The following PUDP variants were observed in gnomAD, a reference collection of about 807,000 sequenced individuals.
The protein encoded by PUDP is pseudouridine 5'-phosphatase, also known as pseudouridine-5'-phosphatase.
A neutral mutation model predicts 9.4 loss-of-function variants in PUDP; 8 were observed. The observed-to-expected ratio is 0.85, with a 90% confidence interval of 0.50 to 1.53. PUDP has a LOEUF of 1.53. Ranked by LOEUF, PUDP falls within the 40% of genes most tolerant of loss-of-function variation. The pLI is 0.00. For synonymous variants in PUDP, 99 were observed against 80.7 expected, an observed-to-expected ratio of 1.23 and a Z score of -1.22; for missense variants, 188 against 189.7, an observed-to-expected ratio of 0.99 and a Z score of 0.05.
intron 3 of PUDP, among the ~76,000 whole-genome samples, chrX:6,913,719 C>T (rs974849118): frequency 3.6e-5 from 4 of 111,552 alleles, no homozygotes; most frequent in African/African-American, 6.5e-5. Flanking sequence ...ATGTGCAGCA[C>T]GTCACTCTAA....
chrX:6,867,902 G>A (rs959268796), intron 3 of PUDP, among the ~76,000 whole-genome samples: 1 of 111,573 alleles, frequency 9.0e-6, no homozygotes, highest in Admixed American at 9.5e-5. Flanking sequence ...AGGGCAGAAG[G>A]GCAAGAAAGG....
At chrX:6,839,699 C>G (rs762805207) in intron 3 of PUDP, among the ~76,000 whole-genome samples, 7 of 111,260 alleles carry the variant, frequency 6.3e-5, no homozygotes, top group Non-Finnish European at 9.4e-5. Context: ...GGCCAAAATC[C>G]GAAAACTGAC....
intron 3 of PUDP, among the ~76,000 whole-genome samples, chrX:6,820,921 T>A (rs1569105781): frequency 8.9e-6 from 1 of 111,789 alleles, no homozygotes; most frequent in Non-Finnish European, 1.9e-5. Context: ...GTGTGGGGGC[T>A]CCTACCCCAC....
chrX:7,145,599 ATTT>A (rs11294775), intron 1 of PUDP, among the ~76,000 whole-genome samples: 3 of 101,426 alleles, frequency 3.0e-5, no homozygotes. Context: ...ACCGAAGTGT[ATTT>A]TTTTTTTTTT....
intron 3 of PUDP, among the ~76,000 whole-genome samples, chrX:6,922,159 A>G (rs184570447): frequency 2.1e-3 from 232 of 111,544 alleles, no homozygotes; most frequent in Non-Finnish European, 2.9e-3. Context: ...CTACAAAAAA[A>G]TAGAAAAAAT....
intron 3 of PUDP, among the ~76,000 whole-genome samples, chrX:6,830,373 G>A (rs1569107377): frequency 9.0e-6 from 1 of 111,528 alleles, no homozygotes; most frequent in Non-Finnish European, 1.9e-5. Flanking sequence ...AAAAAAAAGT[G>A]AGAAGAAGAA....
chrX:6,770,476 T>A (rs185075541), intron 3 of PUDP, among the ~76,000 whole-genome samples: 3 of 112,277 alleles, frequency 2.7e-5, no homozygotes, highest in Non-Finnish European at 5.6e-5. Context: ...AAGCCTTGGT[T>A]TTTTTGTTTG....
intron 3 of PUDP, among the ~76,000 whole-genome samples, chrX:6,744,322 A>G (rs1343686538): frequency 1.8e-5 from 2 of 112,123 alleles, no homozygotes; most frequent in East Asian, 5.6e-4. Context: ...GGATGGAATC[A>G]TCAATGTGCA....
intron 3 of PUDP, among the ~76,000 whole-genome samples, chrX:6,930,190 C>T (rs1928167722): frequency 9.0e-6 from 1 of 110,704 alleles, no homozygotes; most frequent in Non-Finnish European, 1.9e-5. Flanking sequence ...GTGACTCCAC[C>T]TTGAACAAGG....
At chrX:7,121,318 T>C (rs1403372566) in intron 1 of PUDP, among the ~76,000 whole-genome samples, 1 of 111,534 alleles carries the variant, frequency 9.0e-6, no homozygotes, top group Non-Finnish European at 1.9e-5. Context: ...AAATGTGCTT[T>C]CTTTATTGAT....
chrX:7,135,276 C>T (rs1055786887), intron 1 of PUDP, among the ~76,000 whole-genome samples: 2 of 112,300 alleles, frequency 1.8e-5, no homozygotes, highest in Non-Finnish European at 3.8e-5. Flanking sequence ...TGTCATGTCT[C>T]ATCAGCATAT....
At chrX:7,053,158 G>A (rs1569146565) in intron 3 of PUDP, among the ~76,000 whole-genome samples, 1 of 109,214 alleles carries the variant, frequency 9.2e-6, no homozygotes, top group Non-Finnish European at 1.9e-5. Context: ...AATGTGGACT[G>A]GGGTAGAGGA....
intron 1 of PUDP, among the ~76,000 whole-genome samples, chrX:7,106,187 C>T (rs756797743): frequency 2.7e-5 from 3 of 112,756 alleles, no homozygotes; most frequent in Non-Finnish European, 5.6e-5. Context: ...CATCATTACT[C>T]GGTGTTCCCA....
intron 1 of PUDP, among the ~76,000 whole-genome samples, chrX:7,143,273 G>A (rs1932814866): frequency 8.9e-6 from 1 of 111,735 alleles, no homozygotes. Flanking sequence ...AAAACTTCAT[G>A]TGACTAATTT....
chrX:7,142,516 T>C (rs979284697), intron 1 of PUDP, among the ~76,000 whole-genome samples: 2 of 112,145 alleles, frequency 1.8e-5, no homozygotes, highest in Non-Finnish European at 3.8e-5. Flanking sequence ...AAGTGGTTTC[T>C]GGAGATAAAA....
At chrX:7,035,974 G>A (rs139827462) in intron 1 of PUDP, among the ~76,000 whole-genome samples, 4,495 of 111,123 alleles carry the variant, frequency 0.04, 229 homozygotes, top group African/African-American at 0.14. Flanking sequence ...TTAAAAGAGC[G>A]GGCCACCTCC....
At chrX:7,069,367 C>T (rs1276316521) in intron 3 of PUDP, among the ~76,000 whole-genome samples, 2 of 111,208 alleles carry the variant, frequency 1.8e-5, no homozygotes, top group African/African-American at 6.5e-5. Flanking sequence ...GAGCAAGATG[C>T]CCCAAGGCTA....
intron 1 of PUDP, among the ~76,000 whole-genome samples, chrX:6,990,070 G>A (rs1253025124): frequency 9.1e-6 from 1 of 109,922 alleles, no homozygotes; most frequent in Admixed American, 9.7e-5. Flanking sequence ...AAACCAACAG[G>A]AACTCTCCTC....
intron 2 of PUDP, among the ~76,000 whole-genome samples, chrX:7,101,173 T>C (rs1931720756): frequency 8.9e-6 from 1 of 112,262 alleles, no homozygotes; most frequent in Non-Finnish European, 1.9e-5. Context: ...AGAGAGACTT[T>C]CAGTATTGAA....
Sources: gnomAD v4.1 joint callset for allele counts (sites outside exome capture counted in the v4.1 genomes callset) on GRCh38, gnomAD v4.1.1 for gene constraint, MANE v1.5 for transcripts, NCBI Gene and HGNC (gene_info 2026-07-23, HGNC 2026-07-21) for gene names.